Variants in DLC1 observed in about 807,000 individuals in gnomAD.
DLC1 encodes the protein DLC1 Rho GTPase activating protein.
In DLC1, 54 loss-of-function variants were observed where a neutral mutation model predicts 140.3. The ratio of observed to expected loss-of-function variants is 0.38; its 90% confidence interval spans 0.31 to 0.48. DLC1 has a LOEUF of 0.48. Among genes scored for constraint, DLC1 ranks in the 20% least tolerant of loss-of-function variants. The pLI, the probability that DLC1 is intolerant of heterozygous loss-of-function variation, is 0.96. For synonymous variants in DLC1, 986 were observed against 728.1 expected, an observed-to-expected ratio of 1.35 and a Z score of -5.70; for missense variants, 2,536 against 1,907.0, an observed-to-expected ratio of 1.33 and a Z score of -6.14.
chr8:13,237,520 C>A (rs1829344096), intron 5 of DLC1, among the ~76,000 whole-genome samples: 1 of 151,800 alleles, frequency 6.6e-6, no homozygotes, highest in African/African-American at 2.4e-5. Context: ...GCATGGATGG[C>A]TTCTTTATGG....
In DLC1 at chr8:13,100,422, T is replaced by G; in HGVS notation, c.1915A>C (p.Ser639Arg). 2 of 1,614,120 alleles carry G rather than the reference T, an allele frequency of 1.2e-6. No homozygotes were observed. The highest frequency in any genetic ancestry group is 1.7e-5 in the Admixed American group (1 of 60,022). Residue 639 changes from serine (S) to arginine (R), a missense_variant, in exon 9 of 18, where the codon AGC becomes CGC. Coordinates refer to ENST00000276297, the MANE Select transcript of DLC1 (RefSeq NM_182643.3). Reference protein sequence around the residue: ...NLAGNDDSFGSLPSPKELSSF... With the variant: ...NLAGNDDSFGRLPSPKELSSF... ...GACAGTTCCTTGGGAGAGGGCAGGCTGCCGAAAGAGTCGTCATTGCCTGCC... is the reference window on the plus strand; with the variant it reads ...GACAGTTCCTTGGGAGAGGGCAGGCGGCCGAAAGAGTCGTCATTGCCTGCC...
intron 1 of DLC1, among the ~76,000 whole-genome samples, chr8:13,590,480 G>C (rs924713761): frequency 4.6e-5 from 7 of 152,124 alleles, no homozygotes; most frequent in Non-Finnish European, 8.8e-5. Flanking sequence ...TTCAATGGTG[G>C]ATATCCAGTT....
At chr8:13,382,469 C>T (rs1343405380) in intron 4 of DLC1, among the ~76,000 whole-genome samples, 1 of 121,322 alleles carries the variant, frequency 8.2e-6, no homozygotes, top group Non-Finnish European at 1.6e-5. Context: ...GATTGCGCCA[C>T]TGCACTCCAG....
At chr8:13,600,659 AT>A (rs1805845054) in intron 1 of DLC1, among the ~76,000 whole-genome samples, 1 of 151,834 alleles carries the variant, frequency 6.6e-6, no homozygotes, top group African/African-American at 2.4e-5. Flanking sequence ...AAAAGATTTT[AT>A]TTTAGTTTGA....
intron 5 of DLC1, among the ~76,000 whole-genome samples, chr8:13,200,410 G>C (rs1264847551): frequency 6.6e-6 from 1 of 152,050 alleles, no homozygotes; most frequent in Non-Finnish European, 1.5e-5. Context: ...AAATTGAGGT[G>C]TCGAATGATT....
intron 4 of DLC1, among the ~76,000 whole-genome samples, chr8:13,323,173 C>T (rs1671391): frequency 0.85 from 129,764 of 152,198 alleles, 55,777 homozygotes; most frequent in East Asian, 0.95. Context: ...AGATTATATA[C>T]GTTCATGATG....
At chr8:13,397,697 A>G (rs1327095090) in intron 3 of DLC1, among the ~76,000 whole-genome samples, 3 of 151,724 alleles carry the variant, frequency 2.0e-5, no homozygotes, top group Non-Finnish European at 4.4e-5. Context: ...TTAGCCAGGC[A>G]TGGTAATGTG....
intron 5 of DLC1, among the ~76,000 whole-genome samples, chr8:13,286,729 G>GAAAAAAAAAAAAA (rs988288934): frequency 3.0e-5 from 3 of 100,992 alleles, no homozygotes; most frequent in Admixed American, 1.1e-4. Flanking sequence ...AAAAAAAATA[G>GAAAAAAAAAAAAA]AAAAAAAAAA....
chr8:13,540,939 G>C (rs1179037398), intron 1 of DLC1, among the ~76,000 whole-genome samples: 1 of 152,204 alleles, frequency 6.6e-6, no homozygotes, highest in African/African-American at 2.4e-5. Flanking sequence ...TGACTGTTAA[G>C]CCATACCACA....
At chr8:13,139,619 A>G (rs1822825800) in intron 5 of DLC1, among the ~76,000 whole-genome samples, 1 of 152,152 alleles carries the variant, frequency 6.6e-6, no homozygotes, top group Admixed American at 6.5e-5. Context: ...CTTTCCTGAG[A>G]TACTTACTAT....
At chr8:13,183,485 G>A (rs1826159400) in intron 5 of DLC1, among the ~76,000 whole-genome samples, 1 of 152,152 alleles carries the variant, frequency 6.6e-6, no homozygotes, top group Non-Finnish European at 1.5e-5. Context: ...TTTGAGATAT[G>A]TTCCATCAAT....
intron 2 of DLC1, among the ~76,000 whole-genome samples, chr8:13,438,105 T>C (rs1839202956): frequency 6.6e-6 from 1 of 151,962 alleles, no homozygotes; most frequent in South Asian, 2.1e-4. Context: ...TCTAAAGCAA[T>C]GGTTCTCAAT....
At position 13,470,424 on chromosome 8, in the gene DLC1, C is replaced by T. The variant is rs140178888; in HGVS notation, c.1023+28625G>A. ...CAGAAAGCCCCAAAGAGCCAAACCC[C>T]TCCTAATAACCTCATTAAAAAATGG... On this transcript the variant is annotated intron_variant, in intron 2 of 17. Coordinates refer to ENST00000276297, the MANE Select transcript of DLC1 (RefSeq NM_182643.3). Among the ~76,000 whole-genome samples the T allele has an allele frequency of 3.4e-4, 52 of 152,102 alleles. No homozygotes were observed. In the East Asian group the frequency reaches 6.8e-3, roughly 20 times the overall value.
intron 5 of DLC1, among the ~76,000 whole-genome samples, chr8:13,200,828 C>T (rs943064281): frequency 3.3e-5 from 5 of 152,054 alleles, no homozygotes; most frequent in African/African-American, 1.2e-4. Flanking sequence ...GAACTCCTGG[C>T]CTCAAGTGAT....
chr8:13,148,373 G>C (rs575253015), intron 5 of DLC1, among the ~76,000 whole-genome samples: 19 of 152,290 alleles, frequency 1.2e-4, no homozygotes, highest in Admixed American at 8.5e-4. Context: ...TTACAAGTGA[G>C]AACATGCAGT....
intron 5 of DLC1, among the ~76,000 whole-genome samples, chr8:13,225,568 G>T (rs1252916836): frequency 6.6e-6 from 1 of 151,634 alleles, no homozygotes; most frequent in Non-Finnish European, 1.5e-5. Context: ...AAGGCTGAAG[G>T]ATTTTCTTTT....
chr8:13,200,205 G>C (rs1190071521), intron 5 of DLC1, among the ~76,000 whole-genome samples: 1 of 151,654 alleles, frequency 6.6e-6, no homozygotes, highest in Non-Finnish European at 1.5e-5. Context: ...ACCACGCCCT[G>C]CAAATTTTTT....
At chr8:13,241,430 T>C (rs1829539551) in intron 5 of DLC1, among the ~76,000 whole-genome samples, 1 of 152,188 alleles carries the variant, frequency 6.6e-6, no homozygotes. Flanking sequence ...TTCCCTCTGG[T>C]TTCCTTTTCC....
intron 1 of DLC1, among the ~76,000 whole-genome samples, chr8:13,576,525 A>T (rs1487974834): frequency 6.6e-6 from 1 of 152,236 alleles, no homozygotes; most frequent in Non-Finnish European, 1.5e-5. Context: ...GAAAAGTTGT[A>T]AAAGTTGAGC....
Sources: gnomAD v4.1 joint callset for allele counts (sites outside exome capture counted in the v4.1 genomes callset) on GRCh38, gnomAD v4.1.1 for gene constraint, MANE v1.5 for transcripts, NCBI Gene and HGNC (gene_info 2026-07-23, HGNC 2026-07-21) for gene names.